The following PISD variants were observed in gnomAD, a reference collection of about 807,000 sequenced individuals.
PISD encodes the protein phosphatidylserine decarboxylase, also known as phosphatidylserine decarboxylase proenzyme, mitochondrial.
PISD carries 31 observed loss-of-function variants against 43.5 expected under a neutral mutation model. The observed-to-expected ratio is 0.71, with a 90% CI of 0.54 to 0.96. The LOEUF (loss-of-function observed/expected upper bound fraction) is 0.96. Among genes scored for constraint, PISD ranks in the 40% least tolerant of loss-of-function variants. The pLI is 0.00. For synonymous variants in PISD, 259 were observed against 228.7 expected, an observed-to-expected ratio of 1.13 and a Z score of -1.20; for missense variants, 523 against 548.4, an observed-to-expected ratio of 0.95 and a Z score of 0.46.
At chr22:31,649,641 G>A (rs2147789448) in intron 2 of PISD, among the ~76,000 whole-genome samples, 1 of 152,252 alleles carries the variant, frequency 6.6e-6, no homozygotes, top group East Asian at 1.9e-4. Context: ...GCTGAGGCAG[G>A]AGAATGACAT....
intron 1 of PISD, among the ~76,000 whole-genome samples, chr22:31,660,701 CATTTT>C (rs1217770203): frequency 6.6e-6 from 1 of 152,132 alleles, no homozygotes; most frequent in Non-Finnish European, 1.5e-5. Context: ...TTAAGAGTCT[CATTTT>C]AGTCCTTTCA....
chr22:31,632,364 G>A (rs2073240375), intron 3 of PISD: 1 of 314,608 alleles, frequency 3.2e-6, no homozygotes, highest in African/African-American at 2.2e-5. Context: ...GCCTCAGCAT[G>A]TGGTACAGGG....
intron 3 of PISD, among the ~76,000 whole-genome samples, chr22:31,637,161 AAAAAT>A (rs1407929715): frequency 5.1e-4 from 12 of 23,312 alleles, no homozygotes; most frequent in South Asian, 1.7e-3. Flanking sequence ...AAAAAAAAAA[AAAAAT>A]ATATATATAT....
At chr22:31,632,339 G>T in intron 3 of PISD, 1 of 609,010 alleles carries the variant, frequency 1.6e-6, no homozygotes, top group Non-Finnish European at 2.1e-6. Flanking sequence ...ACAAGGCACA[G>T]TGCCACCCCT....
intron 2 of PISD, among the ~76,000 whole-genome samples, chr22:31,648,653 C>A (rs909064194): frequency 2.8e-5 from 4 of 145,048 alleles, no homozygotes; most frequent in South Asian, 2.2e-4. Context: ...GGTAACAGAG[C>A]GAGACTCCAT....
Position 31,650,794 on chromosome 22 carries a change from A to C in PISD, c.66-16T>G. 1 of 1,473,856 alleles carries C rather than the reference A, an allele frequency of 6.8e-7. No individual in the cohort carries two copies. 91.3% of individuals were successfully genotyped at this position (1,473,856 alleles called of 1,614,324 possible). On this transcript the variant is annotated splice_polypyrimidine_tract_variant and intron_variant, in intron 1 of 7. Transcript: ENST00000439502. ...GGGATGGAGGCTATAACCAAGCAAAAATGAACCATTAAATATTATTCTTAA... is the reference window on the plus strand; with the variant it reads ...GGGATGGAGGCTATAACCAAGCAAACATGAACCATTAAATATTATTCTTAA...
At chr22:31,652,010 T>C (rs1029801262) in intron 1 of PISD, among the ~76,000 whole-genome samples, 1 of 152,218 alleles carries the variant, frequency 6.6e-6, no homozygotes, top group African/African-American at 2.4e-5. Context: ...TTTTTTTCCT[T>C]GGAACCCTTT....
chr22:31,633,807 C>T (rs1257115173), intron 3 of PISD, among the ~76,000 whole-genome samples: 3 of 152,254 alleles, frequency 2.0e-5, no homozygotes, highest in East Asian at 3.8e-4. Context: ...CCAACCAGAC[C>T]TCCACCACAC....
chr22:31,623,580 AC>A (rs1481017856), intron 3 of PISD: 1 of 1,130,250 alleles, frequency 8.8e-7, no homozygotes, highest in Non-Finnish European at 1.3e-6. Context: ...TGTAGCGGTG[AC>A]CTCTGCTTCT....
At chr22:31,624,035 T>TG (rs1485953460) in intron 3 of PISD, among the ~76,000 whole-genome samples, 1 of 152,236 alleles carries the variant, frequency 6.6e-6, no homozygotes, top group Non-Finnish European at 1.5e-5. Context: ...CCCATTCTGA[T>TG]TCAGGGGCTT....
Position 31,630,638 on chromosome 22 carries a change from A to T in PISD, c.322-8753T>A. 5 of 809,330 alleles carry T rather than the reference A, an allele frequency of 6.2e-6. No homozygotes were observed. Among genetic ancestry groups the T allele is most frequent in the Non-Finnish European group, 6.0e-6 (4 of 668,966 alleles). 50.1% of individuals were successfully genotyped at this position (809,330 alleles called of 1,614,324 possible). On this transcript the variant is annotated intron_variant, in intron 3 of 7. Coordinates refer to ENST00000439502, the MANE Select transcript of PISD (RefSeq NM_001326411.2). This position sits in a 1 kb window ranked among gnomAD's most constrained non-coding sequence, Gnocchi z 4.4. Reference sequence around the variant, plus strand: ...CTCAACCTTGTCCGCGGGGCTCCTCAGGCCGGGGCCGCGTCGTCACAGCTG... The same window carrying T: ...CTCAACCTTGTCCGCGGGGCTCCTCTGGCCGGGGCCGCGTCGTCACAGCTG...
chr22:31,621,128 A>G lies in PISD; in HGVS notation c.712T>C (p.Ser238Pro). 1 of 1,614,164 alleles carries G rather than the reference A, an allele frequency of 6.2e-7. No individual in the cohort carries two copies. Among genetic ancestry groups the G allele is most frequent in the Non-Finnish European group, 8.5e-7 (1 of 1,180,034 alleles). The change falls in exon 6 of 8, where the codon TCC (serine) becomes CCC (proline). Residue 238 changes from serine to proline, a missense_variant. Ser to Pro is a moderately conservative substitution (Grantham distance 74). Transcript: ENST00000439502. ...CGGGTGACCAGCTGGTTCTTGAAGG[A>G]GTCACACGACGCGGCTGTGGAGTAG... is the stretch of plus-strand genomic sequence containing the variant. The part of the protein sequence containing the change: ...LPFPPAASCD[S>P]FKNQLVTREG...
intron 3 of PISD, among the ~76,000 whole-genome samples, chr22:31,627,207 T>G (rs999691568): frequency 6.6e-6 from 1 of 152,144 alleles, no homozygotes; most frequent in African/African-American, 2.4e-5. Flanking sequence ...CTGGGGCTGG[T>G]CCAGGCCCCT....
At chr22:31,621,936 G>C in intron 3 of PISD, 51 bp from the exon 4 acceptor site, 1 of 1,359,710 alleles carries the variant, frequency 7.4e-7, no homozygotes, top group Non-Finnish European at 1.0e-6. Flanking sequence ...CCCAGCTCCA[G>C]AGAGCCCAAG....
At chr22:31,624,768 CCCT>C (rs529291667) in intron 3 of PISD, among the ~76,000 whole-genome samples, 8 of 149,934 alleles carry the variant, frequency 5.3e-5, no homozygotes, top group Non-Finnish European at 1.2e-4. Flanking sequence ...AGACCCAAGC[CCCT>C]CCTTTCTGCA....
At chr22:31,629,541 G>A (rs1324299266) in intron 3 of PISD, among the ~76,000 whole-genome samples, 1 of 147,020 alleles carries the variant, frequency 6.8e-6, no homozygotes, top group Non-Finnish European at 1.5e-5. Flanking sequence ...GTGTGTGTAG[G>A]TGAGGGGGTG....
chr22:31,634,857 A>T (rs1239560875), intron 3 of PISD, among the ~76,000 whole-genome samples: 3 of 130,756 alleles, frequency 2.3e-5, no homozygotes, highest in African/African-American at 8.4e-5. Flanking sequence ...AAAAAAAAAT[A>T]GAAAAAGAAA....
intron 6 of PISD, 61 bp from the exon 7 acceptor site, chr22:31,620,774 A>G: frequency 1.3e-6 from 2 of 1,592,170 alleles, no homozygotes; most frequent in Non-Finnish European, 1.7e-6. Context: ...ACCCCATGGC[A>G]GCCAAGACCC....
intron 3 of PISD, among the ~76,000 whole-genome samples, chr22:31,633,186 C>G (rs1363184051): frequency 6.6e-6 from 1 of 152,220 alleles, no homozygotes; most frequent in Non-Finnish European, 1.5e-5. Flanking sequence ...GCCTCTAGTA[C>G]TTACAGACCA....
Sources: gnomAD v4.1 joint callset for allele counts (sites outside exome capture counted in the v4.1 genomes callset) on GRCh38, gnomAD v4.1.1 for gene constraint, Gnocchi (gnomAD v3.1) non-coding constraint, MANE v1.5 for transcripts, NCBI Gene and HGNC (gene_info 2026-07-23, HGNC 2026-07-21) for gene names.